Variants in SCAPER observed in about 807,000 individuals in gnomAD.
SCAPER encodes S-phase cyclin A associated protein in the ER.
Under a neutral mutation model 182.2 loss-of-function variants are expected in SCAPER, and 98 were observed. The ratio of observed to expected loss-of-function variants is 0.54; its 90% CI spans 0.46 to 0.64. SCAPER has a LOEUF of 0.64. Ranked by LOEUF, SCAPER falls within the 30% of genes least tolerant of loss-of-function variation. SCAPER has a pLI of 0.00. For synonymous variants in SCAPER, 605 were observed against 564.6 expected (o/e 1.07, Z -1.01); for missense variants, 1,432 against 1,690.0 (o/e 0.85, Z 2.68).
chr15:76,455,463 C>T (rs2048658196), intron 25 of SCAPER, among the ~76,000 whole-genome samples: 1 of 151,888 alleles, frequency 6.6e-6, no homozygotes, highest in South Asian at 2.1e-4. Context: ...ATAAACTTTC[C>T]TGTAAGCATT....
chr15:76,558,679 C>T (rs1249896490), intron 23 of SCAPER, among the ~76,000 whole-genome samples: 1 of 152,022 alleles, frequency 6.6e-6, no homozygotes, highest in Admixed American at 6.6e-5. Context: ...GGTGTATTCC[C>T]AAAGGAATAT....
At chr15:76,694,598 C>T (rs575167349) in intron 20 of SCAPER, among the ~76,000 whole-genome samples, 5 of 152,016 alleles carry the variant, frequency 3.3e-5, no homozygotes, top group African/African-American at 1.2e-4. Context: ...AGACAGAAAA[C>T]AAATTTTCCC....
In SCAPER at chr15:76,376,327, A is replaced by G; in HGVS notation, c.3706-16T>C. The G allele has an allele frequency of 1.2e-6, 2 of 1,600,396 alleles. No homozygotes were observed. Among genetic ancestry groups the G allele is most frequent in the Non-Finnish European group, 1.7e-6 (2 of 1,172,272 alleles). On this transcript the variant is annotated splice_polypyrimidine_tract_variant and intron_variant, in intron 28 of 31. Coordinates refer to ENST00000563290, the MANE Select transcript of SCAPER (RefSeq NM_020843.4). ...CTACAATAGACTGACAAAGACAAGG[A>G]GCAGTTAGAAGCCCTCAGCCCAGGG...
At chr15:76,456,830 AT>A (rs1299212430) in intron 25 of SCAPER, among the ~76,000 whole-genome samples, 3 of 152,162 alleles carry the variant, frequency 2.0e-5, no homozygotes, top group Non-Finnish European at 2.9e-5. Context: ...TTGATTTGAT[AT>A]CCTATTAATA....
chr15:76,572,917 T>TCACACACACACACACA (rs1231032832), intron 23 of SCAPER, among the ~76,000 whole-genome samples: 23 of 133,462 alleles, frequency 1.7e-4, no homozygotes, highest in African/African-American at 5.9e-4. Context: ...TCTCTCTCTC[T>TCACACACACACACACA]CTCACACACA....
intron 21 of SCAPER, among the ~76,000 whole-genome samples, chr15:76,623,253 G>C (rs988658697): frequency 1.3e-5 from 2 of 152,042 alleles, no homozygotes; most frequent in East Asian, 3.9e-4. Flanking sequence ...CTTTAATTAG[G>C]TCCCACTTGT....
At chr15:76,421,137 G>C (rs1375135690) in intron 26 of SCAPER, among the ~76,000 whole-genome samples, 1 of 152,208 alleles carries the variant, frequency 6.6e-6, no homozygotes, top group Admixed American at 6.5e-5. Flanking sequence ...TATATACCCA[G>C]TAATGGGATG....
intron 25 of SCAPER, among the ~76,000 whole-genome samples, chr15:76,438,463 T>C (rs930314960): frequency 7.9e-5 from 12 of 152,208 alleles, no homozygotes; most frequent in African/African-American, 2.7e-4. Context: ...TTTTACACTA[T>C]TGTTATATTC....
intron 20 of SCAPER, among the ~76,000 whole-genome samples, chr15:76,697,024 T>C (rs2058688634): frequency 6.6e-6 from 1 of 152,164 alleles, no homozygotes; most frequent in African/African-American, 2.4e-5. Context: ...AAGAGTAAGT[T>C]ATCTGAGATG....
rs151085144 is a variant in SCAPER at position 76,769,701 on chromosome 15, T to G, written c.1248+2041A>C. Among the ~76,000 whole-genome samples the G allele has an allele frequency of 4.6e-3, 693 of 152,256 alleles. 8 individuals are homozygous for G. Among genetic ancestry groups the G allele is most frequent in the African/African-American group, 0.016 (660 of 41,544 alleles). ...AGAGGATGTGGAGAAATAGGAATGCTTTTACACTGTTGGTGGGAGTGTAAA... is the reference window on the plus strand; with the variant it reads ...AGAGGATGTGGAGAAATAGGAATGCGTTTACACTGTTGGTGGGAGTGTAAA... On this transcript the variant is annotated intron_variant, in intron 10 of 31. Transcript: ENST00000563290.
At chr15:76,809,495 A>G (rs1206769308) in intron 5 of SCAPER, among the ~76,000 whole-genome samples, 1 of 152,198 alleles carries the variant, frequency 6.6e-6, no homozygotes, top group African/African-American at 2.4e-5. Flanking sequence ...GTTAAACAGC[A>G]GACTAGATTA....
chr15:76,842,412 C>T (rs1259561990), intron 4 of SCAPER, among the ~76,000 whole-genome samples: 2 of 152,188 alleles, frequency 1.3e-5, no homozygotes, highest in East Asian at 3.8e-4. Context: ...CTCACAAGAT[C>T]TGATGGTTTT....
chr15:76,713,217 G>T (rs1245371415), intron 17 of SCAPER, among the ~76,000 whole-genome samples: 1 of 152,052 alleles, frequency 6.6e-6, no homozygotes, highest in Non-Finnish European at 1.5e-5. Flanking sequence ...GGAAGTCAGT[G>T]TGGCGATTCC....
At chr15:76,860,083 A>C (rs2071754059) in intron 3 of SCAPER, among the ~76,000 whole-genome samples, 1 of 152,110 alleles carries the variant, frequency 6.6e-6, no homozygotes, top group South Asian at 2.1e-4. Context: ...CCAATTATTT[A>C]TGTTCTTGTA....
At chr15:76,567,663 T>C (rs912597704) in intron 23 of SCAPER, among the ~76,000 whole-genome samples, 2 of 152,224 alleles carry the variant, frequency 1.3e-5, no homozygotes, top group African/African-American at 4.8e-5. Context: ...TTTTTAGCTA[T>C]TTGGATTTCT....
rs186374417 is a variant in SCAPER, at chr15:76,787,660, C to T, written c.772+7620G>A. Among the ~76,000 whole-genome samples, 367 of 152,026 alleles carry T rather than the reference C, an allele frequency of 2.4e-3. 2 individuals are homozygous for T. The highest frequency in any genetic ancestry group is 8.4e-3 in the African/African-American group (349 of 41,486). On this transcript the variant is annotated intron_variant, in intron 8 of 31. Transcript: ENST00000563290. Reference sequence around the variant, plus strand: ...ACAAACTGGTGGAGTAAATGGACATCCATAGGCAAAAAACGAACCTTCACT... The same window carrying T: ...ACAAACTGGTGGAGTAAATGGACATTCATAGGCAAAAAACGAACCTTCACT...
intron 20 of SCAPER, among the ~76,000 whole-genome samples, chr15:76,696,520 T>C (rs2058662414): frequency 6.6e-6 from 1 of 152,138 alleles, no homozygotes; most frequent in Admixed American, 6.5e-5. Context: ...CAAACAGAGC[T>C]TGTACAATGT....
At chr15:76,447,475 G>A (rs2048079502) in intron 25 of SCAPER, among the ~76,000 whole-genome samples, 1 of 152,166 alleles carries the variant, frequency 6.6e-6, no homozygotes, top group African/African-American at 2.4e-5. Context: ...TTGTGGGACT[G>A]AGCTCTAAAC....
intron 4 of SCAPER, among the ~76,000 whole-genome samples, chr15:76,855,457 CA>C (rs34226154): frequency 2.9e-4 from 34 of 116,312 alleles, no homozygotes; most frequent in African/African-American, 1.0e-3. Context: ...TTCTGCACAG[CA>C]AAAAAAAAAA....
Sources: allele counts gnomAD v4.1 joint callset (sites outside exome capture counted in the v4.1 genomes callset), GRCh38; gene constraint gnomAD v4.1.1; transcripts MANE v1.5; gene names NCBI Gene and HGNC (gene_info 2026-07-23, HGNC 2026-07-21).